Variants in ZSWIM5 observed in about 807,000 individuals in gnomAD.
The protein encoded by ZSWIM5 is zinc finger SWIM-type containing 5, also known as zinc finger SWIM domain-containing protein 5.
ZSWIM5 carries 55 observed loss-of-function variants against 119.6 expected under a neutral mutation model. The observed-to-expected ratio is 0.46, with a 90% CI of 0.37 to 0.58. The LOEUF (loss-of-function observed/expected upper bound fraction) is 0.58, where lower values mean the gene tolerates loss of function less well. Ranked by LOEUF, ZSWIM5 falls within the 20% of genes least tolerant of loss-of-function variation. The pLI is 0.00. For missense variants in ZSWIM5, 1,193 were observed against 1,512.8 expected, an observed-to-expected ratio of 0.79 and a Z score of 3.51; for synonymous variants, 537 against 606.9, an observed-to-expected ratio of 0.88 and a Z score of 1.69.
At chr1:45,078,060 T>C (rs1048510852) in intron 2 of ZSWIM5, among the ~76,000 whole-genome samples, 1 of 152,208 alleles carries the variant, frequency 6.6e-6, no homozygotes, top group Admixed American at 6.5e-5. Context: ...CCTTCTTGGC[T>C]GACAGGATTA....
intron 1 of ZSWIM5, among the ~76,000 whole-genome samples, chr1:45,111,797 G>A (rs548173862): frequency 5.9e-5 from 9 of 152,212 alleles, no homozygotes; most frequent in East Asian, 1.9e-4. Flanking sequence ...CAGATAATCC[G>A]GGTAAATATC....
intron 2 of ZSWIM5, among the ~76,000 whole-genome samples, chr1:45,073,018 A>C (rs1645233015): frequency 6.6e-6 from 1 of 151,922 alleles, no homozygotes; most frequent in Non-Finnish European, 1.5e-5. Context: ...GAGTAGTATG[A>C]ATATTTTAAC....
At position 45,106,085 on chromosome 1, in the gene ZSWIM5, G is replaced by A. The variant is rs369476185; in HGVS notation, c.596-17848C>T. Among the ~76,000 whole-genome samples the A allele has an allele frequency of 1.4e-4, 19 of 133,416 alleles. No individual in the cohort carries two copies. The East Asian group carries it at 2.6e-3, about 18-fold the overall frequency. 87.5% of individuals were successfully genotyped at this position (133,416 alleles called of 152,430 possible). A position where few individuals can be genotyped will look rare whatever the true frequency, so the allele number is the denominator to read the frequency against. On this transcript the variant is annotated intron_variant, in intron 1 of 13. Transcript: ENST00000359600. ...TGGGAGGTGAGGAGCGCCTCTGCAC[G>A]GCCGCCCCGTCTGGGAGGTGAGGAG...
At position 45,119,665 on chromosome 1, in the gene ZSWIM5, C is replaced by T. The variant is rs76433091; in HGVS notation, c.596-31428G>A. On this transcript the variant is annotated intron_variant, in intron 1 of 13. Coordinates refer to ENST00000359600, the MANE Select transcript of ZSWIM5 (RefSeq NM_020883.2). Reference sequence around the variant, plus strand: ...TCTGAGAAACTCTGACTTTCTTTCACTCATCGTCAGTAGCTGTCTTAAATT... The same window carrying T: ...TCTGAGAAACTCTGACTTTCTTTCATTCATCGTCAGTAGCTGTCTTAAATT... Among the ~76,000 whole-genome samples, 642 of 152,300 alleles carry T rather than the reference C, an allele frequency of 4.2e-3. 21 individuals carry two copies. In the East Asian group the frequency reaches 0.083, roughly 20 times the overall value.
chr1:45,053,747 A>G (rs1311594475), intron 4 of ZSWIM5, among the ~76,000 whole-genome samples: 1 of 121,824 alleles, frequency 8.2e-6, no homozygotes, highest in Non-Finnish European at 1.6e-5. Flanking sequence ...TGGGCGACAG[A>G]GCGAGACTCT....
intron 1 of ZSWIM5, among the ~76,000 whole-genome samples, chr1:45,155,941 G>A (rs773904024): frequency 1.3e-5 from 2 of 152,056 alleles, no homozygotes; most frequent in Non-Finnish European, 2.9e-5. Context: ...AGTGTATACT[G>A]CTCAGGTGAT....
At position 45,206,587 on chromosome 1, in the gene ZSWIM5, C is replaced by T. The variant is rs1056483804; in HGVS notation, c.-237G>A. On this transcript the variant is annotated 5_prime_UTR_variant, in exon 1 of 14. Coordinates refer to ENST00000359600, the MANE Select transcript of ZSWIM5 (RefSeq NM_020883.2). ...CGTGAGGCGGCGCGCGGTGTCCTGG[C>T]CGCCGCGGACGCGAAGACAGGCGGG... 2 of 964,710 alleles carry T rather than the reference C, an allele frequency of 2.1e-6. No individual in the cohort carries two copies. Among genetic ancestry groups the T allele is most frequent in the African/African-American group, 1.8e-5 (1 of 56,688 alleles). 59.8% of individuals were successfully genotyped at this position (964,710 alleles called of 1,614,324 possible).
At chr1:45,175,168 C>T (rs1179796894) in intron 1 of ZSWIM5, among the ~76,000 whole-genome samples, 1 of 152,072 alleles carries the variant, frequency 6.6e-6, no homozygotes, top group Non-Finnish European at 1.5e-5. Flanking sequence ...AAGAATGTCC[C>T]TCAGTAGTGC....
At chr1:45,099,168 G>T (rs1265699575) in intron 1 of ZSWIM5, among the ~76,000 whole-genome samples, 1 of 151,910 alleles carries the variant, frequency 6.6e-6, no homozygotes, top group African/African-American at 2.4e-5. Flanking sequence ...TAGTAAAGAA[G>T]AAAAGAGAGA....
intron 2 of ZSWIM5, among the ~76,000 whole-genome samples, chr1:45,073,249 ATTTTTTTTTT>A (rs58448888): frequency 4.6e-4 from 26 of 56,052 alleles, no homozygotes; most frequent in African/African-American, 1.5e-3. Flanking sequence ...TTGCTACTGA[ATTTTTTTTTT>A]TTTTTTTTTT....
intron 1 of ZSWIM5, among the ~76,000 whole-genome samples, chr1:45,194,845 C>G (rs1646112847): frequency 6.6e-6 from 1 of 151,658 alleles, no homozygotes; most frequent in South Asian, 2.1e-4. Context: ...CCACTGCACA[C>G]CAGCCTGGGC....
At chr1:45,148,429 A>G (rs183584294) in intron 1 of ZSWIM5, among the ~76,000 whole-genome samples, 42 of 152,234 alleles carry the variant, frequency 2.8e-4, no homozygotes, top group Admixed American at 9.2e-4. Context: ...GAAAAACACA[A>G]TGCAAAAAAG....
intron 1 of ZSWIM5, among the ~76,000 whole-genome samples, chr1:45,168,106 A>C (rs558517126): frequency 8.7e-4 from 133 of 152,284 alleles, no homozygotes; most frequent in Middle Eastern, 3.4e-3. Context: ...TGGATTAAGA[A>C]AATGTGGCAC....
At chr1:45,022,684 A>G (rs1024549785) in intron 11 of ZSWIM5, among the ~76,000 whole-genome samples, 2 of 152,208 alleles carry the variant, frequency 1.3e-5, no homozygotes, top group Non-Finnish European at 2.9e-5. Flanking sequence ...ATCCCCTATT[A>G]TTAACATCTT....
At chr1:45,110,203 A>T (rs1645508589) in intron 1 of ZSWIM5, among the ~76,000 whole-genome samples, 1 of 152,250 alleles carries the variant, frequency 6.6e-6, no homozygotes, top group Non-Finnish European at 1.5e-5. Flanking sequence ...TTTATAAAAC[A>T]GTCATATTCT....
At chr1:45,080,042 C>A (rs1295762381) in intron 2 of ZSWIM5, among the ~76,000 whole-genome samples, 1 of 152,126 alleles carries the variant, frequency 6.6e-6, no homozygotes, top group African/African-American at 2.4e-5. Context: ...TCTCCTCGAG[C>A]AAAGGGACGG....
In ZSWIM5 at chr1:45,206,352, G is replaced by A; in HGVS notation, c.-2C>T. On this transcript the variant is annotated 5_prime_UTR_variant, in exon 1 of 14. Transcript: ENST00000359600. ...CTCTCGCTCACCTCCGTCCGCCATT[G>A]CTGGGGACTGACTGACTGACTGAGG... The A allele has an allele frequency of 2.1e-6, 3 of 1,453,046 alleles. No homozygotes were observed. The highest frequency in any genetic ancestry group is 2.7e-6 in the Non-Finnish European group (3 of 1,102,612). 90.0% of individuals were successfully genotyped at this position (1,453,046 alleles called of 1,614,324 possible). A position where few individuals can be genotyped will look rare whatever the true frequency, so the allele number is the denominator to read the frequency against.
rs1645085577 is a variant in ZSWIM5 at position 45,051,059 on chromosome 1, G to A, written c.1432+15C>T. 2.5e-6 allele frequency: 4 copies of A among 1,607,064 alleles called. No individual in the cohort carries two copies. Among genetic ancestry groups the A allele is most frequent in the Non-Finnish European group, 3.4e-6 (4 of 1,176,968 alleles). ...AGTTCCAGGTACAAAGAGCCTAAAAGGACACTTGGCTCACCTGGGCTGTGA... is the reference window on the plus strand; with the variant it reads ...AGTTCCAGGTACAAAGAGCCTAAAAAGACACTTGGCTCACCTGGGCTGTGA... On this transcript the variant is annotated intron_variant, in intron 5 of 13. Coordinates refer to ENST00000359600, the MANE Select transcript of ZSWIM5 (RefSeq NM_020883.2).
chr1:45,082,482 C>T (rs536149251), intron 2 of ZSWIM5, among the ~76,000 whole-genome samples: 2 of 152,202 alleles, frequency 1.3e-5, no homozygotes, highest in Admixed American at 6.5e-5. Flanking sequence ...CCTAGCTAGA[C>T]ATGTTGGAAC....
Sources: allele counts gnomAD v4.1 joint callset (sites outside exome capture counted in the v4.1 genomes callset), GRCh38; gene constraint gnomAD v4.1.1; transcripts MANE v1.5; gene names NCBI Gene and HGNC (gene_info 2026-07-23, HGNC 2026-07-21).